Variants in CNR2 observed in about 807,000 individuals in gnomAD.
CNR2 encodes cannabinoid receptor 2 (macrophage).
For synonymous variants in CNR2, 172 were observed against 182.2 expected (o/e 0.94, Z 0.45); for missense variants, 379 against 439.9 (o/e 0.86, Z 1.24).
At position 23,874,215 on chromosome 1, in the gene CNR2, G is replaced by A. The variant is rs200095777; in HGVS notation, c.*320C>T. 8.5e-6 allele frequency: 2 copies of A among 235,682 alleles called. No individual in the cohort carries two copies. Among genetic ancestry groups the A allele is most frequent in the Non-Finnish European group, 1.7e-5 (2 of 119,306 alleles). 14.6% of individuals were successfully genotyped at this position (235,682 alleles called of 1,614,324 possible). On this transcript the variant is annotated 3_prime_UTR_variant, in exon 2 of 2. Coordinates refer to ENST00000374472, the MANE Select transcript of CNR2 (RefSeq NM_001841.3). ...CCCAAGTCCCTCATTGCTGGGCCTGGAGGCTCGCTTTGGCTCCTGTGGTCT... is the reference window on the plus strand; with the variant it reads ...CCCAAGTCCCTCATTGCTGGGCCTGAAGGCTCGCTTTGGCTCCTGTGGTCT...
intron 1 of CNR2, among the ~76,000 whole-genome samples, chr1:23,884,926 G>A (rs142701445): frequency 0.015 from 2,303 of 151,934 alleles, 71 homozygotes; most frequent in African/African-American, 0.053. Context: ...TCAGCCTCCC[G>A]AGTAGCTGGG....
chr1:23,877,814 A>G (rs1639912700), intron 1 of CNR2, among the ~76,000 whole-genome samples: 1 of 151,152 alleles, frequency 6.6e-6, no homozygotes, highest in African/African-American at 2.4e-5. Flanking sequence ...TACAAAAATT[A>G]GCCGGGCACG....
chr1:23,901,965 G>C, intron 1 of CNR2: 1 of 1,604,548 alleles, frequency 6.2e-7, no homozygotes, highest in South Asian at 1.1e-5. Flanking sequence ...AAGTCCAGGC[G>C]GGGCTTGTTG....
At chr1:23,912,829 C>T (rs1478675388) in intron 1 of CNR2, among the ~76,000 whole-genome samples, 1 of 152,188 alleles carries the variant, frequency 6.6e-6, no homozygotes, top group African/African-American at 2.4e-5. Context: ...CCCAGACAGG[C>T]CCACCTGGCT....
chr1:23,906,246 G>A (rs1406303584), intron 1 of CNR2, among the ~76,000 whole-genome samples: 1 of 151,984 alleles, frequency 6.6e-6, no homozygotes, highest in African/African-American at 2.4e-5. Flanking sequence ...CCTTATTAAA[G>A]CTGTGTTCTC....
chr1:23,893,546 G>C (rs1306890789), intron 1 of CNR2, among the ~76,000 whole-genome samples: 1 of 152,216 alleles, frequency 6.6e-6, no homozygotes, highest in African/African-American at 2.4e-5. Context: ...GAACTATCAA[G>C]AGTGTTGGAT....
intron 1 of CNR2, among the ~76,000 whole-genome samples, chr1:23,898,287 T>G (rs975580682): frequency 6.7e-6 from 1 of 149,040 alleles, no homozygotes; most frequent in African/African-American, 2.5e-5. Context: ...TCCGCCCGCC[T>G]CAGCCTCCCA....
chr1:23,880,336 C>A (rs545603994), intron 1 of CNR2, among the ~76,000 whole-genome samples: 1 of 151,964 alleles, frequency 6.6e-6, no homozygotes, highest in Non-Finnish European at 1.5e-5. Context: ...TACTACCATG[C>A]CCGGCTAAGT....
intron 1 of CNR2, among the ~76,000 whole-genome samples, chr1:23,909,735 T>C (rs1228512177): frequency 6.6e-6 from 1 of 152,084 alleles, no homozygotes; most frequent in African/African-American, 2.4e-5. Flanking sequence ...TCTCGGGTTG[T>C]CCATGTGATG....
chr1:23,882,732 A>G (rs934477763), intron 1 of CNR2, among the ~76,000 whole-genome samples: 6 of 151,908 alleles, frequency 3.9e-5, no homozygotes, highest in Non-Finnish European at 7.4e-5. Flanking sequence ...AGGCAGGAGA[A>G]TCGCTTGAAC....
intron 1 of CNR2, among the ~76,000 whole-genome samples, chr1:23,911,532 G>A (rs912411435): frequency 2.0e-5 from 3 of 152,172 alleles, no homozygotes; most frequent in African/African-American, 7.2e-5. Context: ...GGGAAGCTCA[G>A]TGCACTTGGA....
rs142861964 is a variant in CNR2, at chr1:23,875,023, C to G, written c.595G>C (p.Ala199Pro). The stretch of plus-strand genomic sequence containing the variant: ...TAGATGATTCCGGAAAAGAGGAAGG[C>G]GATGAACAGGAGCCAGCTCAGCAGG... ...DYLLSWLLFIAFLFSGIIYTY... is the reference protein window; with the variant it reads ...DYLLSWLLFIPFLFSGIIYTY... Residue 199 changes from alanine to proline, a missense_variant, in exon 2 of 2, where the codon GCC (alanine) becomes CCC (proline). Coordinates refer to ENST00000374472, the MANE Select transcript of CNR2 (RefSeq NM_001841.3). 4 of 1,608,544 alleles carry G rather than the reference C, an allele frequency of 2.5e-6. No individual in the cohort carries two copies. Among genetic ancestry groups the G allele is most frequent in the Non-Finnish European group, 3.4e-6 (4 of 1,177,380 alleles).
intron 1 of CNR2, among the ~76,000 whole-genome samples, chr1:23,895,908 G>A (rs1478399571): frequency 6.6e-6 from 1 of 152,060 alleles, no homozygotes; most frequent in African/African-American, 2.4e-5. Flanking sequence ...ACAATCTTTT[G>A]TCTTTATTTC....
intron 1 of CNR2, among the ~76,000 whole-genome samples, chr1:23,885,095 C>T (rs964788522): frequency 4.6e-5 from 7 of 152,030 alleles, no homozygotes; most frequent in Admixed American, 6.6e-5. Context: ...CCACCATGCC[C>T]GGCCTCAAAA....
chr1:23,904,955 C>T (rs1255546761), intron 1 of CNR2, among the ~76,000 whole-genome samples: 1 of 152,132 alleles, frequency 6.6e-6, no homozygotes, highest in Non-Finnish European at 1.5e-5. Context: ...AGCCCCTACC[C>T]CAGCCATGAT....
chr1:23,884,077 T>TTTTTTGTTTTTG (rs61098202), intron 1 of CNR2, among the ~76,000 whole-genome samples: 1 of 149,306 alleles, frequency 6.7e-6, no homozygotes, highest in Non-Finnish European at 1.5e-5. Flanking sequence ...CTTTATGTCT[T>TTTTTTGTTTTTG]TTTTTGTTTT....
chr1:23,884,890 T>C (rs1307280405), intron 1 of CNR2, among the ~76,000 whole-genome samples: 2 of 151,872 alleles, frequency 1.3e-5, no homozygotes, highest in African/African-American at 4.8e-5. Context: ...AACCTCCACC[T>C]TCCGAGTTCA....
In CNR2 at chr1:23,890,483, C is replaced by T. The variant is rs1282870786; in HGVS notation, c.-45-14821G>A. 4.6e-5 allele frequency among the ~76,000 whole-genome samples: 7 copies of T among 151,734 alleles called. 1 individual carries two copies. The highest frequency in any genetic ancestry group is 1.3e-4 in the Admixed American group (2 of 15,230). ...CAGACCCGCTGGGCGAGGTGGCTCA[C>T]GCTTATAATCCCAGCACTTTGGGAG... On this transcript the variant is annotated intron_variant, in intron 1 of 1. Transcript: ENST00000374472.
rs761992110 is a variant in CNR2, at chr1:23,875,037, C to T, written c.581G>A (p.Trp194Ter). ...AAAGAGGAAGGCGATGAACAGGAGCCAGCTCAGCAGGTAGTCATTGGGGAT... is the reference window on the plus strand; with the variant it reads ...AAAGAGGAAGGCGATGAACAGGAGCTAGCTCAGCAGGTAGTCATTGGGGAT... ...PLIPNDYLLS[W>*]LLFIAFLFSG... Residue 194 changes from tryptophan (W) to a stop codon, truncating the protein, a stop_gained, in exon 2 of 2, where the codon TGG becomes TAG. Coordinates refer to ENST00000374472, the MANE Select transcript of CNR2 (RefSeq NM_001841.3). LOFTEE classifies it low-confidence loss of function (END_TRUNC). 2.5e-6 allele frequency: 4 copies of T among 1,607,902 alleles called. No individual in the cohort carries two copies. The highest frequency in any genetic ancestry group is 3.4e-6 in the Non-Finnish European group (4 of 1,177,126).
Sources: gnomAD v4.1 joint callset for allele counts (sites outside exome capture counted in the v4.1 genomes callset) on GRCh38, gnomAD v4.1.1 for gene constraint, MANE v1.5 for transcripts, NCBI Gene and HGNC (gene_info 2026-07-23, HGNC 2026-07-21) for gene names.